TUBGCP5: variants seen among roughly 807,000 people sequenced by gnomAD.
The protein encoded by TUBGCP5 is tubulin gamma complex component 5.
TUBGCP5 carries 98 observed loss-of-function variants against 134.7 expected under a neutral mutation model. That is an observed-to-expected ratio of 0.73 (90% CI 0.62 to 0.86). The LOEUF (loss-of-function observed/expected upper bound fraction) is 0.86, where lower values mean the gene tolerates loss of function less well. Among genes scored for constraint, TUBGCP5 ranks in the 40% least tolerant of loss-of-function variants. The pLI, the probability that TUBGCP5 is intolerant of heterozygous loss-of-function variation, is 0.00. For synonymous variants in TUBGCP5, 456 were observed against 431.4 expected (o/e 1.06, Z -0.71); for missense variants, 1,150 against 1,244.8 (o/e 0.92, Z 1.15).
In TUBGCP5 at chr15:23,039,554, C is replaced by G. The variant is rs761511144; in HGVS notation, c.-11G>C. ...CCCGTGCCGCGCCATGTTCCGCGCT[C>G]CTGCAGCGCGCGTCTAACGAATTGG... On this transcript the variant is annotated 5_prime_UTR_variant, in exon 1 of 23. Coordinates refer to ENST00000615383, the MANE Select transcript of TUBGCP5 (RefSeq NM_052903.6). The G allele has an allele frequency of 3.1e-5, 44 of 1,410,484 alleles. No homozygotes were observed. The highest frequency in any genetic ancestry group is 3.8e-5 in the Non-Finnish European group (41 of 1,067,404). The allele number at this position is 1,410,484 out of a possible 1,614,324, so 87.4% of individuals were successfully genotyped here. A position where few individuals can be genotyped will look rare whatever the true frequency, so the allele number is the denominator to read the frequency against.
chr15:22,990,552 A>T (rs2063816016), intron 23 of TUBGCP5, among the ~76,000 whole-genome samples: 1 of 152,200 alleles, frequency 6.6e-6, no homozygotes, highest in Admixed American at 6.5e-5. Context: ...CAGGAAACAC[A>T]GCATGCATTT....
intron 6 of TUBGCP5, among the ~76,000 whole-genome samples, chr15:23,029,942 C>A (rs1260020090): frequency 3.9e-5 from 6 of 152,254 alleles, no homozygotes; most frequent in Non-Finnish European, 7.4e-5. Flanking sequence ...CATCTGTAAT[C>A]CCAGCACTTT....
chr15:22,994,597 C>G (rs982916976), downstream of TUBGCP5, among the ~76,000 whole-genome samples: 3 of 152,138 alleles, frequency 2.0e-5, no homozygotes, highest in Non-Finnish European at 4.4e-5. Context: ...GCTGTTTATT[C>G]ATTCACCAGT....
intron 23 of TUBGCP5, among the ~76,000 whole-genome samples, chr15:22,986,130 T>C (rs1167393377): frequency 9.8e-5 from 10 of 101,774 alleles, no homozygotes; most frequent in Non-Finnish European, 1.6e-4. Context: ...CAAGACTCTG[T>C]CTCAAAAAAA....
intron 22 of TUBGCP5, chr15:23,000,348 T>C (rs2064298808): frequency 3.1e-6 from 4 of 1,283,398 alleles, no homozygotes; most frequent in Admixed American, 7.4e-5. Flanking sequence ...AAATCTGTTG[T>C]AATAAATGGT....
intron 6 of TUBGCP5, among the ~76,000 whole-genome samples, chr15:23,028,341 C>T (rs2066099046): frequency 7.2e-6 from 1 of 138,362 alleles, no homozygotes. Context: ...GATCACGCTA[C>T]TGCACTCCAG....
intron 11 of TUBGCP5, 31 bp from the exon 12 acceptor site, chr15:23,019,365 C>CA: frequency 6.7e-7 from 1 of 1,486,540 alleles, no homozygotes; most frequent in South Asian, 1.2e-5. Context: ...GGTCAGCTCT[C>CA]AGGGTTCCCT....
chr15:22,990,246 C>T (rs1567078621), intron 23 of TUBGCP5, among the ~76,000 whole-genome samples: 1 of 146,850 alleles, frequency 6.8e-6, no homozygotes, highest in Non-Finnish European at 1.5e-5. Context: ...CCACTCCTCC[C>T]CCTCCTCTTC....
intron 13 of TUBGCP5, among the ~76,000 whole-genome samples, chr15:23,017,303 T>C (rs572694049): frequency 2.0e-5 from 3 of 152,058 alleles, no homozygotes; most frequent in Non-Finnish European, 4.4e-5. Flanking sequence ...GAGTTGCACA[T>C]AGCAAAGAAG....
intron 23 of TUBGCP5, among the ~76,000 whole-genome samples, chr15:22,992,834 C>T (rs114843254): frequency 0.016 from 2,485 of 152,152 alleles, 38 homozygotes; most frequent in African/African-American, 0.042. Flanking sequence ...ACATAATAAA[C>T]GGGTGACCTA....
chr15:22,993,821 A>G (rs1358050718), intron 23 of TUBGCP5, among the ~76,000 whole-genome samples: 2 of 151,866 alleles, frequency 1.3e-5, no homozygotes, highest in Non-Finnish European at 2.9e-5. Flanking sequence ...TTGGGATTAC[A>G]GGCGTGAGCC....
chr15:23,016,672 G>A (rs1222245121), intron 13 of TUBGCP5, among the ~76,000 whole-genome samples: 1 of 151,746 alleles, frequency 6.6e-6, no homozygotes, highest in Non-Finnish European at 1.5e-5. Flanking sequence ...TTATCACGAA[G>A]ACAAAAAATA....
chr15:23,003,358 T>C (rs1463373064), intron 20 of TUBGCP5, among the ~76,000 whole-genome samples: 2 of 152,206 alleles, frequency 1.3e-5, no homozygotes, highest in African/African-American at 4.8e-5. Context: ...CAAGTGATAT[T>C]AGCAGTACAG....
rs994998646 is a variant in TUBGCP5 at position 23,013,989 on chromosome 15, T to G, written c.1757-2658A>C. ...TGGGCCCAGGATCGACTGGTGATTC[T>G]GGTCCTGCACAGCAGAAAAACCAGC... On this transcript the variant is annotated intron_variant, in intron 13 of 22. Transcript: ENST00000615383. This position sits in a 1 kb window ranked among gnomAD's most constrained non-coding sequence, Gnocchi z 4.5. Among the ~76,000 whole-genome samples, 5 of 152,144 alleles carry G rather than the reference T, an allele frequency of 3.3e-5. No individual in the cohort carries two copies. The highest frequency in any genetic ancestry group is 7.4e-5 in the Non-Finnish European group (5 of 68,010).
At position 23,013,959 on chromosome 15, in the gene TUBGCP5, G is replaced by A. The variant is rs1263023017; in HGVS notation, c.1757-2628C>T. On this transcript the variant is annotated intron_variant, in intron 13 of 22. Coordinates refer to ENST00000615383, the MANE Select transcript of TUBGCP5 (RefSeq NM_052903.6). This position sits in a 1 kb window ranked among gnomAD's most constrained non-coding sequence, Gnocchi z 4.5. ...TGAACACCACAACCCCAGCTATGTG[G>A]AGCCTGGGCCCAGGATCGACTGGTG... Among the ~76,000 whole-genome samples, 1 of 152,174 alleles carries A rather than the reference G, an allele frequency of 6.6e-6. No individual in the cohort carries two copies. Among genetic ancestry groups the A allele is most frequent in the African/African-American group, 2.4e-5 (1 of 41,436 alleles).
rs376645446 is a variant in TUBGCP5 at position 23,032,839 on chromosome 15, A to G, written c.310-15T>C. 7 of 1,532,998 alleles carry G rather than the reference A, an allele frequency of 4.6e-6. No homozygotes were observed. Among genetic ancestry groups the G allele is most frequent in the Non-Finnish European group, 6.1e-6 (7 of 1,138,942 alleles). 95.0% of individuals were successfully genotyped at this position (1,532,998 alleles called of 1,614,324 possible). On this transcript the variant is annotated splice_polypyrimidine_tract_variant and intron_variant, in intron 3 of 22. Coordinates refer to ENST00000615383, the MANE Select transcript of TUBGCP5 (RefSeq NM_052903.6). ...TGTGCATCTGTCTTTAAAACAAAAA[A>G]AAGAACATAAATCTCTGAGGTTGGG...
At chr15:22,997,475 C>CG (rs1347140354), downstream of TUBGCP5, among the ~76,000 whole-genome samples, 1 of 150,770 alleles carries the variant, frequency 6.6e-6, no homozygotes, top group African/African-American at 2.4e-5. Flanking sequence ...CCACCGTGCT[C>CG]GGCCCCTTTT....
intron 6 of TUBGCP5, among the ~76,000 whole-genome samples, chr15:23,029,884 A>G (rs2066207375): frequency 6.6e-6 from 1 of 150,712 alleles, no homozygotes; most frequent in African/African-American, 2.5e-5. Flanking sequence ...CCGTCTCAAA[A>G]AAAGGGGGTG....
intron 3 of TUBGCP5, among the ~76,000 whole-genome samples, chr15:23,036,048 T>C (rs573069235): frequency 3.9e-5 from 6 of 152,296 alleles, no homozygotes; most frequent in East Asian, 1.9e-4. Context: ...GAAAGAACTA[T>C]GTAGGCACAA....
Sources: allele counts gnomAD v4.1 joint callset (sites outside exome capture counted in the v4.1 genomes callset), GRCh38; gene constraint gnomAD v4.1.1; non-coding constraint Gnocchi (gnomAD v3.1); transcripts MANE v1.5; gene names NCBI Gene and HGNC (gene_info 2026-07-23, HGNC 2026-07-21).